The following UBE4A variants were observed in gnomAD, a reference collection of about 807,000 sequenced individuals.
UBE4A encodes the protein ubiquitination factor E4A.
A neutral mutation model predicts 117.9 loss-of-function variants in UBE4A; 48 were observed. That is an observed-to-expected ratio of 0.41 (90% confidence interval 0.32 to 0.52). The LOEUF is 0.52. Among genes scored for constraint, UBE4A ranks in the 20% least tolerant of loss-of-function variants. The pLI, the probability that UBE4A is intolerant of heterozygous loss-of-function variation, is 0.33. For missense variants in UBE4A, 1,067 were observed against 1,296.3 expected (o/e 0.82, Z 2.72); for synonymous variants, 407 against 450.0 (o/e 0.90, Z 1.21).
chr11:118,368,721 C>T lies in UBE4A; in HGVS notation c.212C>T (p.Ser71Leu). 6.2e-7 allele frequency: 1 copy of T among 1,614,198 alleles called. No individual in the cohort carries two copies. Among genetic ancestry groups the T allele is most frequent in the Non-Finnish European group, 8.5e-7 (1 of 1,180,004 alleles). Residue 71 changes from serine (S) to leucine (L), a missense_variant, in exon 3 of 20, where the codon TCA becomes TTA. Physicochemically the swap from Ser to Leu is moderately radical, Grantham distance 145. Transcript: ENST00000252108. ...FDYSVAEISR[S>L]FRSQQEICEQ... ...TACTCTGTGGCTGAGATTAGCCGCT[C>T]ATTCCGATCACAGCAGGAAATATGT...
rs372960920 is a variant in UBE4A, at chr11:118,396,278, G to T, written c.3075-36G>T. On this transcript the variant is annotated intron_variant, in intron 19 of 19. Coordinates refer to ENST00000252108, the MANE Select transcript of UBE4A (RefSeq NM_001204077.2). ...TTGGCTTAGAATGTTAGAACTTATG[G>T]AAATAACCCTATTTCCCTTTCTCTC... 15 of 1,592,702 alleles carry T rather than the reference G, an allele frequency of 9.4e-6. No homozygotes were observed. The South Asian group carries it at 1.6e-4, about 17-fold the overall frequency.
chr11:118,398,714 C>T lies in UBE4A; in HGVS notation c.*2274C>T, dbSNP rs1948898077. On this transcript the variant is annotated 3_prime_UTR_variant, in exon 20 of 20. Transcript: ENST00000252108. ...AAAATGAAGACTCTTTTACTCAGCT[C>T]TGGTATTGCTCATAACTTACCAAGA... 1 of 157,656 alleles carries T rather than the reference C, an allele frequency of 6.3e-6. No homozygotes were observed. Among genetic ancestry groups the T allele is most frequent in the Non-Finnish European group, 1.4e-5 (1 of 71,234 alleles). The allele number at this position is 157,656 out of a possible 1,614,324, so 9.8% of individuals were successfully genotyped here.
At chr11:118,374,417 A>G (rs1343543723) in intron 8 of UBE4A, among the ~76,000 whole-genome samples, 2 of 152,222 alleles carry the variant, frequency 1.3e-5, no homozygotes, top group Admixed American at 1.3e-4. Flanking sequence ...GGGATAGTTT[A>G]AGTCCCCTAA....
intron 3 of UBE4A, 69 bp from the exon 4 acceptor site, chr11:118,369,354 G>A: frequency 8.7e-7 from 1 of 1,147,338 alleles, no homozygotes; most frequent in Admixed American, 1.9e-5. Context: ...GAGTGATGCT[G>A]TCAAGATCAG....
intron 13 of UBE4A, among the ~76,000 whole-genome samples, chr11:118,383,639 T>C (rs895951836): frequency 2.7e-5 from 4 of 148,212 alleles, no homozygotes; most frequent in Admixed American, 1.3e-4. Flanking sequence ...CCTCTCTATC[T>C]AACCCTGAGC....
At chr11:118,396,278 GA>G in intron 19 of UBE4A, 35 bp from the exon 20 acceptor site, 1 of 1,592,702 alleles carries the variant, frequency 6.3e-7, no homozygotes, top group Non-Finnish European at 8.5e-7. Context: ...AGAACTTATG[GA>G]AATAACCCTA....
At chr11:118,392,475 C>G (rs1350304655) in intron 18 of UBE4A, among the ~76,000 whole-genome samples, 4 of 152,172 alleles carry the variant, frequency 2.6e-5, no homozygotes, top group Non-Finnish European at 5.9e-5. Context: ...TCTTTTCCTC[C>G]TAACATTTAA....
intron 4 of UBE4A, among the ~76,000 whole-genome samples, chr11:118,371,008 A>G (rs1344536110): frequency 6.6e-6 from 1 of 152,214 alleles, no homozygotes; most frequent in Non-Finnish European, 1.5e-5. Context: ...ATGGAGATCA[A>G]ATTTCAACAT....
Position 118,378,148 on chromosome 11 carries a change from G to A in UBE4A, c.1572-1298G>A, listed in dbSNP as rs180784638. Among the ~76,000 whole-genome samples, 296 of 151,854 alleles carry A rather than the reference G, an allele frequency of 1.9e-3. 2 individuals are homozygous for A. The highest frequency in any genetic ancestry group is 7.0e-3 in the African/African-American group (289 of 41,382). On this transcript the variant is annotated intron_variant, in intron 10 of 19. Transcript: ENST00000252108. ...TGTAGTCCCAGCTACTCGGGAGGTTGAAGAAGGAGAATCGCTTGAACCTGG... is the reference window on the plus strand; with the variant it reads ...TGTAGTCCCAGCTACTCGGGAGGTTAAAGAAGGAGAATCGCTTGAACCTGG...
chr11:118,389,931 C>T (rs1263904239), intron 17 of UBE4A, 26 bp downstream of exon 17: 2 of 1,515,626 alleles, frequency 1.3e-6, no homozygotes, highest in Non-Finnish European at 1.8e-6. Context: ...ATCTGTCAAG[C>T]CAGAGGGGAT....
chr11:118,378,365 A>G (rs1948672042), intron 10 of UBE4A: 2 of 152,238 alleles, frequency 1.3e-5, no homozygotes, highest in African/African-American at 4.8e-5. Flanking sequence ...ATAGGACCAC[A>G]AAAGACATTA....
At chr11:118,374,187 T>C (rs1407287077) in intron 8 of UBE4A, among the ~76,000 whole-genome samples, 1 of 152,100 alleles carries the variant, frequency 6.6e-6, no homozygotes, top group Non-Finnish European at 1.5e-5. Flanking sequence ...CTGCTGCTAC[T>C]CATTACCCTT....
At position 118,384,728 on chromosome 11, in the gene UBE4A, G is replaced by A. The variant is rs370775447; in HGVS notation, c.2291G>A (p.Ser764Asn). The A allele has an allele frequency of 6.8e-6, 11 of 1,613,752 alleles. No homozygotes were observed. In the African/African-American group the frequency reaches 1.3e-4, roughly 20 times the overall value. The change falls in exon 14 of 20, where the codon AGC (serine) becomes AAC (asparagine). Residue 764 changes from serine (S) to asparagine (N), a missense_variant. This residue lies in a region of UBE4A where 1,001 missense variants were observed against 1,184.0 expected (regional missense o/e 0.85). Coordinates refer to ENST00000252108, the MANE Select transcript of UBE4A (RefSeq NM_001204077.2). ...TGGGGGACAGATACCTATCGGGAGAGCATTAAGGTGAGAGAGTTTTTGATG... is the reference window on the plus strand; with the variant it reads ...TGGGGGACAGATACCTATCGGGAGAACATTAAGGTGAGAGAGTTTTTGATG... ...YMWGTDTYRE[S>N]IKDLADYASK...
At chr11:118,391,800 GAAA>G (rs11445365) in intron 18 of UBE4A, among the ~76,000 whole-genome samples, 4 of 138,832 alleles carry the variant, frequency 2.9e-5, no homozygotes, top group African/African-American at 7.8e-5. Context: ...TCTCAAAAAA[GAAA>G]AAAAAAAAAA....
intron 13 of UBE4A, 76 bp downstream of exon 13, chr11:118,382,852 G>T: frequency 7.6e-7 from 1 of 1,319,992 alleles, no homozygotes; most frequent in Non-Finnish European, 9.9e-7. Context: ...TCCGTATTTG[G>T]ATATCAAAGA....
At chr11:118,386,907 A>G (rs1948764673) in intron 16 of UBE4A, among the ~76,000 whole-genome samples, 1 of 152,236 alleles carries the variant, frequency 6.6e-6, no homozygotes, top group South Asian at 2.1e-4. Context: ...ACACATATAT[A>G]CATATATGTT....
chr11:118,376,505 T>G, intron 9 of UBE4A, 69 bp from the exon 10 acceptor site: 1 of 1,561,586 alleles, frequency 6.4e-7, no homozygotes, highest in Non-Finnish European at 8.6e-7. Context: ...AGTATGGAAA[T>G]TGAATGAGTG....
At chr11:118,359,935 G>A (rs1948507627) in intron 1 of UBE4A, among the ~76,000 whole-genome samples, 1 of 152,144 alleles carries the variant, frequency 6.6e-6, no homozygotes, top group South Asian at 2.1e-4. Context: ...AGGCCGGAGC[G>A]CTATCATTGC....
At chr11:118,375,484 C>T (rs964069059) in intron 9 of UBE4A, among the ~76,000 whole-genome samples, 1 of 152,098 alleles carries the variant, frequency 6.6e-6, no homozygotes, top group African/African-American at 2.4e-5. Context: ...CTCAGCCTCC[C>T]GAGTAGCTGG....
Sources: gnomAD v4.1 joint callset for allele counts (sites outside exome capture counted in the v4.1 genomes callset) on GRCh38, gnomAD v4.1.1 for gene constraint, gnomAD v4.1.1 regional missense constraint, MANE v1.5 for transcripts, NCBI Gene and HGNC (gene_info 2026-07-23, HGNC 2026-07-21) for gene names.